Variants in NFATC3 observed in about 807,000 individuals in gnomAD.
NFATC3 encodes the protein nuclear factor of activated T-cells, cytoplasmic 3.
Under a neutral mutation model 98.6 loss-of-function variants are expected in NFATC3, and 46 were observed. The ratio of observed to expected loss-of-function variants is 0.47; its 90% CI spans 0.37 to 0.60. The LOEUF (loss-of-function observed/expected upper bound fraction) is 0.60, where lower values mean the gene tolerates loss of function less well. Among genes scored for constraint, NFATC3 ranks in the 20% least tolerant of loss-of-function variants. The probability of loss-of-function intolerance (pLI) is 0.00; values close to 1 mark genes in which losing one functional copy is unlikely to be tolerated. For synonymous variants in NFATC3, 512 were observed against 472.2 expected, an observed-to-expected ratio of 1.08 and a Z score of -1.09; for missense variants, 1,256 against 1,295.5, an observed-to-expected ratio of 0.97 and a Z score of 0.47.
Position 68,122,844 on chromosome 16 carries a change from C to T in NFATC3, c.961C>T (p.Leu321Phe). ...TGCTTCTGTCCATGGTGGGTCAGGCCTTGGCCCTGCAGTTTTTCCATTTCA... is the reference window on the plus strand; with the variant it reads ...TGCTTCTGTCCATGGTGGGTCAGGCTTTGGCCCTGCAGTTTTTCCATTTCA... The part of the protein sequence containing the change: ...LNASVHGGSG[L>F]GPAVFPFQYC... The change falls in exon 2 of 10, where the codon CTT becomes TTT. Residue 321 changes from leucine (L) to phenylalanine (F), a missense_variant. Physicochemically the swap from Leu to Phe is conservative, Grantham distance 22. Around this residue, in one of 3 missense-constraint regions of NFATC3, gnomAD observed 464 missense variants for 465.7 expected, o/e 1.00. Transcript: ENST00000346183. The T allele has an allele frequency of 6.2e-7, 1 of 1,614,236 alleles. No individual in the cohort carries two copies. Among genetic ancestry groups the T allele is most frequent in the Non-Finnish European group, 8.5e-7 (1 of 1,180,026 alleles).
chr16:68,171,495 A>G (rs997198823), intron 5 of NFATC3, among the ~76,000 whole-genome samples: 3 of 147,882 alleles, frequency 2.0e-5, no homozygotes, highest in African/African-American at 7.5e-5. Context: ...TTTTCTTGAG[A>G]CAGAGTCTCA....
intron 1 of NFATC3, among the ~76,000 whole-genome samples, chr16:68,117,894 C>T (rs915907391): frequency 6.6e-6 from 1 of 152,168 alleles, no homozygotes; most frequent in African/African-American, 2.4e-5. Context: ...GGAGATACAG[C>T]AGTTGAAGTT....
Position 68,158,045 on chromosome 16 carries a change from T to A in NFATC3, c.1578T>A (p.Leu526=). Residue 526 remains leucine, a synonymous_variant, in exon 4 of 10, where the codon CTT becomes CTA. Coordinates refer to ENST00000346183, the MANE Select transcript of NFATC3 (RefSeq NM_173165.3). ...CAAAAGTTCTGGAAATTCCACTTCT[T>A]CCTGAAAATAATATGTCAGCCAGGT... ...ASTKVLEIPL[L]PENNMSASID... 6.2e-7 allele frequency: 1 copy of A among 1,612,842 alleles called. No homozygotes were observed.
intron 1 of NFATC3, among the ~76,000 whole-genome samples, chr16:68,097,694 G>T (rs560682663): frequency 5.8e-4 from 87 of 149,338 alleles, no homozygotes; most frequent in Non-Finnish European, 1.1e-3. Context: ...CAAGGCAGAA[G>T]AGGGTTTTAT....
At chr16:68,223,213 T>G (rs752257397) in intron 9 of NFATC3, among the ~76,000 whole-genome samples, 3 of 152,234 alleles carry the variant, frequency 2.0e-5, no homozygotes, top group Non-Finnish European at 4.4e-5. Context: ...GAATGGTTAA[T>G]AAATCCTAGC....
Position 68,191,344 on chromosome 16 carries a change from G to T in NFATC3, c.2675G>T (p.Arg892Ile), listed in dbSNP as rs746024784. Residue 892 changes from arginine (R) to isoleucine (I), a missense_variant, in exon 9 of 10, where the codon AGA becomes ATA. By Grantham distance (97) the Arg-to-Ile change is moderately conservative. Around this residue, in one of 3 missense-constraint regions of NFATC3, gnomAD observed 636 missense variants for 617.3 expected, o/e 1.03. Coordinates refer to ENST00000346183, the MANE Select transcript of NFATC3 (RefSeq NM_173165.3). The stretch of plus-strand genomic sequence containing the variant: ...TATCATTGTTCAAATACAGGACAAA[G>T]ATCTCTTTCTTCTCCAGTGGCTGAC... ...MGYHCSNTGQ[R>I]SLSSPVADQI... is the part of the protein sequence containing the mutation. 6 of 1,614,176 alleles carry T rather than the reference G, an allele frequency of 3.7e-6. No individual in the cohort carries two copies. The South Asian group carries it at 5.5e-5, about 15-fold the overall frequency.
intron 3 of NFATC3, among the ~76,000 whole-genome samples, chr16:68,140,485 T>C (rs1426040064): frequency 1.3e-5 from 2 of 152,208 alleles, no homozygotes; most frequent in Non-Finnish European, 2.9e-5. Flanking sequence ...AATTCAGTTA[T>C]TCAGTTGCAT....
At chr16:68,183,655 G>A (rs1055876142) in intron 8 of NFATC3, among the ~76,000 whole-genome samples, 4 of 152,084 alleles carry the variant, frequency 2.6e-5, no homozygotes, top group Non-Finnish European at 5.9e-5. Context: ...GCAGGTGTTC[G>A]TGAGTATGTG....
intron 5 of NFATC3, among the ~76,000 whole-genome samples, chr16:68,171,508 CTG>C (rs1030486071): frequency 1.3e-5 from 2 of 149,960 alleles, no homozygotes; most frequent in Admixed American, 6.7e-5. Flanking sequence ...GAGTCTCACT[CTG>C]TTGCCCAGGC....
At chr16:68,195,750 G>A (rs1446705959) in intron 9 of NFATC3, among the ~76,000 whole-genome samples, 5 of 152,180 alleles carry the variant, frequency 3.3e-5, no homozygotes, top group Non-Finnish European at 5.9e-5. Flanking sequence ...GGAGCTTGCA[G>A]TGAGCCGAGA....
At chr16:68,105,465 A>T (rs975010490) in intron 1 of NFATC3, among the ~76,000 whole-genome samples, 2 of 152,030 alleles carry the variant, frequency 1.3e-5, no homozygotes, top group Admixed American at 6.6e-5. Flanking sequence ...CCACCCTTGC[A>T]TTCCTGGGAT....
chr16:68,087,721 C>T (rs569289549), intron 1 of NFATC3, among the ~76,000 whole-genome samples: 5 of 152,274 alleles, frequency 3.3e-5, no homozygotes, highest in South Asian at 4.1e-4. Flanking sequence ...CTTCCCTCCT[C>T]CCAACCCCTA....
intron 1 of NFATC3, among the ~76,000 whole-genome samples, chr16:68,118,582 G>A (rs530426118): frequency 6.6e-6 from 1 of 151,994 alleles, no homozygotes; most frequent in East Asian, 1.9e-4. Flanking sequence ...AGTTCCTTGT[G>A]CCTCAGTTGC....
At chr16:68,162,790 A>G in intron 4 of NFATC3, among the ~76,000 whole-genome samples, 2 of 151,462 alleles carry the variant, frequency 1.3e-5, no homozygotes, top group Non-Finnish European at 2.9e-5. Flanking sequence ...TGTTTCTCGC[A>G]GAGGGGGATT....
intron 1 of NFATC3, among the ~76,000 whole-genome samples, chr16:68,105,852 T>G (rs191373235): frequency 2.0e-5 from 3 of 152,236 alleles, no homozygotes. Context: ...GATTGTCTAA[T>G]TTGTTGGTGT....
At chr16:68,192,224 A>T (rs1339286999) in intron 9 of NFATC3, 4 of 67,076 alleles carry the variant, frequency 6.0e-5, no homozygotes, top group African/African-American at 1.6e-4. Context: ...AAAAAAAAAA[A>T]AAAAAAATAT....
intron 9 of NFATC3, among the ~76,000 whole-genome samples, chr16:68,201,582 T>G (rs1016116365): frequency 1.3e-5 from 2 of 151,814 alleles, no homozygotes; most frequent in Non-Finnish European, 2.9e-5. Flanking sequence ...TCAAGCTGTT[T>G]TAAACATTTT....
chr16:68,182,183 C>T (rs1177228871), intron 7 of NFATC3, among the ~76,000 whole-genome samples: 1 of 152,094 alleles, frequency 6.6e-6, no homozygotes, highest in Non-Finnish European at 1.5e-5. Context: ...TGAGAAAGAA[C>T]ATATGTAGTG....
At chr16:68,092,536 C>T (rs902693989) in intron 1 of NFATC3, among the ~76,000 whole-genome samples, 2 of 118,282 alleles carry the variant, frequency 1.7e-5, no homozygotes, top group Non-Finnish European at 3.7e-5. Context: ...CTGAGGCAGG[C>T]GGATCACGAG....
Sources: allele counts gnomAD v4.1 joint callset (sites outside exome capture counted in the v4.1 genomes callset), GRCh38; gene constraint gnomAD v4.1.1; regional missense constraint gnomAD v4.1.1; transcripts MANE v1.5; gene names NCBI Gene and HGNC (gene_info 2026-07-23, HGNC 2026-07-21).